Variants in GLB1 observed in about 807,000 individuals in gnomAD.
GLB1 encodes beta-galactosidase.
A neutral mutation model predicts 74.0 loss-of-function variants in GLB1; 56 were observed. The observed-to-expected ratio is 0.76, with a 90% confidence interval of 0.61 to 0.94. The LOEUF (loss-of-function observed/expected upper bound fraction) is 0.94. Ranked by LOEUF, GLB1 falls within the 40% of genes least tolerant of loss-of-function variation. The probability of loss-of-function intolerance (pLI) is 0.00; values close to 1 mark genes in which losing one functional copy is unlikely to be tolerated. For synonymous variants in GLB1, 323 were observed against 323.6 expected (o/e 1.00, Z 0.02); for missense variants, 787 against 845.5 (o/e 0.93, Z 0.86).
In GLB1 at chr3:33,051,615, A is replaced by AAAAAAAAAAAAAAG. The variant is rs764769471; in HGVS notation, c.955+142_955+143insCTTTTTTTTTTTTT. ...GTGAGACTGTCTACAAAAAAAAAAAAAAAAGAAAAAGAAAAAAAAAGAAAA... is the reference window on the plus strand; with the variant it reads ...GTGAGACTGTCTACAAAAAAAAAAAAAAAAAAAAAAAAAGAAAAGAAAAAGAAAAAAAAAGAAAA... On this transcript the variant is annotated intron_variant, in intron 9 of 15. Transcript: ENST00000307363. 1.1e-4 allele frequency: 130 copies of AAAAAAAAAAAAAAG among 1,177,940 alleles called. 1 individual carries two copies. The African/African-American group carries it at 1.3e-3, about 12-fold the overall frequency. The allele number at this position is 1,177,940 out of a possible 1,614,324, so 73.0% of individuals were successfully genotyped here.
intron 10 of GLB1, chr3:33,030,600 C>G (rs2125489470): frequency 2.0e-6 from 2 of 985,394 alleles, no homozygotes; most frequent in East Asian, 2.3e-4. Context: ...GTAGACAAAT[C>G]CTGGATCAAA....
At chr3:33,022,265 T>TTTA (rs1163324528) in intron 11 of GLB1, among the ~76,000 whole-genome samples, 1 of 152,168 alleles carries the variant, frequency 6.6e-6, no homozygotes, top group Non-Finnish European at 1.5e-5. Context: ...CTGGTAAGTA[T>TTTA]TTATTATATT....
In GLB1 at chr3:33,056,347, T is replaced by C. The variant is rs1038649643; in HGVS notation, c.733+1742A>G. On this transcript the variant is annotated intron_variant, in intron 6 of 15. Coordinates refer to ENST00000307363, the MANE Select transcript of GLB1 (RefSeq NM_000404.4). ...GCTGTGCAATGCACATGAAGTGCCTTTTACCTCAGAGGGGAGAACATCAGG... is the reference window on the plus strand; with the variant it reads ...GCTGTGCAATGCACATGAAGTGCCTCTTACCTCAGAGGGGAGAACATCAGG... 3.3e-5 allele frequency among the ~76,000 whole-genome samples: 5 copies of C among 151,912 alleles called. No individual in the cohort carries two copies. The East Asian group carries it at 7.7e-4, about 23-fold the overall frequency.
chr3:32,994,917 T>C (rs1359684748), downstream of GLB1, among the ~76,000 whole-genome samples: 1 of 114,840 alleles, frequency 8.7e-6, no homozygotes, highest in African/African-American at 3.0e-5. Flanking sequence ...CAAGACTCTG[T>C]TTCAAAAAAA....
rs1161365628 is a variant in GLB1, at chr3:33,093,046, T to C, written c.75+3965A>G. On this transcript the variant is annotated intron_variant, in intron 1 of 15. Transcript: ENST00000307363. The surrounding 1 kb of genome is among the most constrained non-coding windows in gnomAD (Gnocchi z 6.0). ...GTGTGCCCAGAAAGGATCAGGTTAATATCTGGCCGAGCCTGGAGAGCTCTC... is the reference window on the plus strand; with the variant it reads ...GTGTGCCCAGAAAGGATCAGGTTAACATCTGGCCGAGCCTGGAGAGCTCTC... The C allele has an allele frequency of 1.2e-6, 2 of 1,614,208 alleles. No individual in the cohort carries two copies. Among genetic ancestry groups the C allele is most frequent in the Admixed American group, 1.7e-5 (1 of 60,034 alleles).
chr3:33,068,872 C>T lies in GLB1; in HGVS notation c.344G>A (p.Gly115Glu). ...EYFLRLAHELGLLVILRPGPY... is the reference protein window; with the variant it reads ...EYFLRLAHELELLVILRPGPY... ...CCCGGGCCTCAGGATAACCAGCAGT[C>T]CCAGCTCATGAGCCAGCCGAAGAAA... is the stretch of plus-strand genomic sequence containing the variant. The change falls in exon 3 of 16, where the codon GGA becomes GAA. Residue 115 changes from glycine to glutamate, a missense_variant. By Grantham distance (98) the Gly-to-Glu change is moderately conservative. Coordinates refer to ENST00000307363, the MANE Select transcript of GLB1 (RefSeq NM_000404.4). The T allele has an allele frequency of 6.2e-7, 1 of 1,614,158 alleles. No homozygotes were observed. Among genetic ancestry groups the T allele is most frequent in the Non-Finnish European group, 8.5e-7 (1 of 1,180,030 alleles).
At chr3:32,989,751 T>C in the GLB1 span, among the ~76,000 whole-genome samples, 285 of 152,118 alleles carry the variant, frequency 1.9e-3, 1 homozygote, top group African/African-American at 6.6e-3. Context: ...GTAAGAAGAG[T>C]GTGGGATTTG....
intron 10 of GLB1, among the ~76,000 whole-genome samples, chr3:33,031,039 G>A (rs1478159672): frequency 6.6e-6 from 1 of 152,184 alleles, no homozygotes; most frequent in African/African-American, 2.4e-5. Context: ...GCTTTGCCAT[G>A]CCTTGAAGAT....
chr3:32,999,246 A>G (rs1001291355), intron 15 of GLB1, among the ~76,000 whole-genome samples: 1 of 152,214 alleles, frequency 6.6e-6, no homozygotes, highest in African/African-American at 2.4e-5. Context: ...TAAAAGGTAT[A>G]TACAATGACA....
chr3:33,085,106 T>C (rs559743534), intron 1 of GLB1, among the ~76,000 whole-genome samples: 65 of 152,044 alleles, frequency 4.3e-4, no homozygotes, highest in African/African-American at 1.4e-3. Flanking sequence ...ATCCCATCCC[T>C]ATAAAAAATA....
At chr3:33,094,034 C>G (rs780130302) in intron 1 of GLB1, 14 of 1,614,108 alleles carry the variant, frequency 8.7e-6, no homozygotes, top group Admixed American at 1.7e-5. Context: ...TGAGCAAGAG[C>G]GAGTTGACAA....
the GLB1 span, among the ~76,000 whole-genome samples, chr3:32,985,319 C>T: frequency 6.6e-6 from 1 of 151,948 alleles, no homozygotes; most frequent in Admixed American, 6.6e-5. Flanking sequence ...GAGATGGAGT[C>T]TCGCTCTGTC....
the GLB1 span, among the ~76,000 whole-genome samples, chr3:32,977,897 T>C: frequency 2.0e-5 from 3 of 152,160 alleles, no homozygotes; most frequent in Middle Eastern, 3.2e-3. Context: ...CCCACAGAAT[T>C]TTTTGCCAAC....
chr3:33,053,381 A>AG (rs1192129197), intron 7 of GLB1, 110 bp downstream of exon 7: 1 of 1,470,194 alleles, frequency 6.8e-7, no homozygotes, highest in African/African-American at 1.4e-5. Flanking sequence ...CAATCCCATT[A>AG]GCTGCTGACT....
At chr3:33,072,825 A>T in intron 1 of GLB1, 112 bp from the exon 2 acceptor site, 3 of 1,493,256 alleles carry the variant, frequency 2.0e-6, no homozygotes, top group Non-Finnish European at 1.8e-6. Flanking sequence ...TAATGTGCTG[A>T]TGGACTTAAT....
the GLB1 span, among the ~76,000 whole-genome samples, chr3:32,972,049 A>G: frequency 2.6e-5 from 4 of 152,310 alleles, no homozygotes; most frequent in East Asian, 5.8e-4. Flanking sequence ...CAAAAAGAAT[A>G]TGGACATAGG....
intron 6 of GLB1, among the ~76,000 whole-genome samples, chr3:33,054,677 C>A (rs992569555): frequency 1.3e-5 from 2 of 152,234 alleles, no homozygotes; most frequent in African/African-American, 4.8e-5. Flanking sequence ...ACTCTGGATT[C>A]TAATTTGTAC....
At chr3:33,081,450 C>T (rs1700321528) in intron 1 of GLB1, among the ~76,000 whole-genome samples, 2 of 152,116 alleles carry the variant, frequency 1.3e-5, no homozygotes, top group South Asian at 4.1e-4. Flanking sequence ...CCTTGGCATC[C>T]TGAGAAAGGT....
At chr3:33,030,435 CA>C (rs1450110517) in intron 10 of GLB1, 80 of 921,826 alleles carry the variant, frequency 8.7e-5, no homozygotes, top group Admixed American at 2.5e-4. Context: ...GACTATTTAA[CA>C]GTTGCTAAGT....
Sources: allele counts gnomAD v4.1 joint callset (sites outside exome capture counted in the v4.1 genomes callset), GRCh38; gene constraint gnomAD v4.1.1; non-coding constraint Gnocchi (gnomAD v3.1); transcripts MANE v1.5; gene names NCBI Gene and HGNC (gene_info 2026-07-23, HGNC 2026-07-21).